Variants in USP48 observed in about 807,000 individuals in gnomAD.
The protein encoded by USP48 is ubiquitin specific peptidase 48, also known as ubiquitin carboxyl-terminal hydrolase 48.
Under a neutral mutation model 150.7 loss-of-function variants are expected in USP48, and 43 were observed. The ratio of observed to expected loss-of-function variants is 0.29; its 90% CI spans 0.22 to 0.37. The LOEUF is 0.37. Ranked by LOEUF, USP48 falls within the 10% of genes least tolerant of loss-of-function variation. The pLI, the probability that USP48 is intolerant of heterozygous loss-of-function variation, is 1.00. For synonymous variants in USP48, 396 were observed against 425.9 expected, an observed-to-expected ratio of 0.93 and a Z score of 0.86; for missense variants, 813 against 1,249.6, an observed-to-expected ratio of 0.65 and a Z score of 5.27.
At chr1:21,781,413 T>C (rs920569075) in intron 1 of USP48, among the ~76,000 whole-genome samples, 2 of 152,020 alleles carry the variant, frequency 1.3e-5, no homozygotes, top group Non-Finnish European at 2.9e-5. Flanking sequence ...CACTCTAGCC[T>C]GGGCAATAAG....
intron 8 of USP48, among the ~76,000 whole-genome samples, chr1:21,742,094 C>T (rs1288774360): frequency 6.6e-6 from 1 of 152,000 alleles, no homozygotes; most frequent in African/African-American, 2.4e-5. Context: ...TTAGCTGGCC[C>T]AGGCTACCCT....
chr1:21,678,374 CGTGTT>C lies in USP48; in HGVS notation c.*1038_*1042del, dbSNP rs891974750. 28 of 151,024 alleles carry C rather than the reference CGTGTT, an allele frequency of 1.9e-4. No homozygotes were observed. The highest frequency in any genetic ancestry group is 6.6e-4 in the African/African-American group (27 of 41,074). The allele number at this position is 151,024 out of a possible 1,614,324, so 9.4% of individuals were successfully genotyped here. ...ATTCTTAAGAATATTGCTTCGGTTA[CGTGTT>C]GCTAAGAATGATAATCCTGAGTTGG... is the stretch of plus-strand genomic sequence containing the variant. On this transcript the variant is annotated 3_prime_UTR_variant, in exon 27 of 27. Coordinates refer to ENST00000308271, the MANE Select transcript of USP48 (RefSeq NM_032236.8).
intron 22 of USP48, 83 bp downstream of exon 22, chr1:21,701,415 C>G: frequency 1.8e-6 from 2 of 1,095,402 alleles, no homozygotes; most frequent in Non-Finnish European, 2.8e-6. Context: ...ATACAGGGTA[C>G]AGAGACATGG....
chr1:21,699,681 T>C (rs1295442856), intron 22 of USP48, among the ~76,000 whole-genome samples: 6 of 149,922 alleles, frequency 4.0e-5, no homozygotes, highest in Non-Finnish European at 8.9e-5. Flanking sequence ...GCCCGGCTAA[T>C]TTTTTTTGTA....
intron 23 of USP48, among the ~76,000 whole-genome samples, chr1:21,692,031 A>G (rs2097603103): frequency 6.6e-6 from 1 of 152,204 alleles, no homozygotes; most frequent in Non-Finnish European, 1.5e-5. Context: ...ACAGGGCCCA[A>G]GAGCTTGACA....
chr1:21,756,463 A>G, intron 3 of USP48, 83 bp downstream of exon 3: 1 of 1,435,970 alleles, frequency 7.0e-7, no homozygotes, highest in Non-Finnish European at 9.3e-7. Flanking sequence ...CTTGGGAAAC[A>G]GAGGAAGACT....
chr1:21,697,310 T>A (rs1248634153), intron 22 of USP48, among the ~76,000 whole-genome samples: 1 of 150,984 alleles, frequency 6.6e-6, no homozygotes, highest in East Asian at 1.9e-4. Flanking sequence ...CACATGTGAG[T>A]TAAAAAGAAA....
At chr1:21,679,646 C>A (rs1359603467) in intron 26 of USP48, among the ~76,000 whole-genome samples, 1 of 152,196 alleles carries the variant, frequency 6.6e-6, no homozygotes, top group African/African-American at 2.4e-5. Context: ...CCATGTGCTT[C>A]CTAAGTGTAT....
chr1:21,756,719 T>C lies in USP48; in HGVS notation c.256-17A>G. On this transcript the variant is annotated splice_polypyrimidine_tract_variant and intron_variant, in intron 2 of 26. Transcript: ENST00000308271. Reference sequence around the variant, plus strand: ...AAATGAGTTCTACAAAAATACAAAATTCATAATTATAAAACCCATTTTCCT... The same window carrying C: ...AAATGAGTTCTACAAAAATACAAAACTCATAATTATAAAACCCATTTTCCT... 1.2e-6 allele frequency: 2 copies of C among 1,611,600 alleles called. No homozygotes were observed. Among genetic ancestry groups the C allele is most frequent in the South Asian group, 1.1e-5 (1 of 90,500 alleles).
intron 8 of USP48, among the ~76,000 whole-genome samples, chr1:21,739,545 A>G (rs1295596892): frequency 4.8e-5 from 6 of 125,556 alleles, no homozygotes; most frequent in Non-Finnish European, 8.7e-5. Context: ...AAAAAAAAAA[A>G]GACAAATAAT....
intron 11 of USP48, chr1:21,724,381 T>C (rs908624148): frequency 8.7e-6 from 5 of 577,598 alleles, no homozygotes; most frequent in African/African-American, 7.5e-5. Context: ...ACATAGAGTC[T>C]TGCCGAATAG....
At chr1:21,781,186 A>C (rs554930672) in intron 1 of USP48, among the ~76,000 whole-genome samples, 118 of 148,316 alleles carry the variant, frequency 8.0e-4, no homozygotes, top group African/African-American at 2.7e-3. Context: ...TGGGAGGCCA[A>C]GGCGGTCAAA....
rs1241322845 is a variant in USP48 at position 21,729,716 on chromosome 1, C to T, written c.1288G>A (p.Val430Ile). 1.2e-6 allele frequency: 2 copies of T among 1,613,702 alleles called. No homozygotes were observed. Among genetic ancestry groups the T allele is most frequent in the Non-Finnish European group, 1.7e-6 (2 of 1,179,760 alleles). ...AAAACTGCTTTACCTGGAACTTGAACAGTAGTGTTGGGCTTTTCTTGAGTT... is the reference window on the plus strand; with the variant it reads ...AAAACTGCTTTACCTGGAACTTGAATAGTAGTGTTGGGCTTTTCTTGAGTT... ...LQTQEKPNTTVQVPAFLQELV... is the reference protein window; with the variant it reads ...LQTQEKPNTTIQVPAFLQELV... The change falls in exon 10 of 27, where the codon GTT becomes ATT. Residue 430 changes from valine (V) to isoleucine (I), a missense_variant. Coordinates refer to ENST00000308271, the MANE Select transcript of USP48 (RefSeq NM_032236.8).
intron 15 of USP48, among the ~76,000 whole-genome samples, chr1:21,712,369 A>G (rs1049688687): frequency 3.3e-5 from 5 of 152,152 alleles, no homozygotes; most frequent in African/African-American, 9.7e-5. Context: ...AAAAAAAACC[A>G]AAACAAAATA....
chr1:21,708,819 A>G (rs1352091579), intron 15 of USP48, among the ~76,000 whole-genome samples: 4 of 135,840 alleles, frequency 2.9e-5, no homozygotes, highest in African/African-American at 8.1e-5. Context: ...CGGGAGGCAG[A>G]GGTTGCAGTG....
chr1:21,683,883 T>C (rs997822899), intron 25 of USP48, among the ~76,000 whole-genome samples: 9 of 152,184 alleles, frequency 5.9e-5, no homozygotes, highest in Admixed American at 5.2e-4. Context: ...AAATACAGTA[T>C]TGTCTTTCTG....
At chr1:21,686,302 G>GT (rs1409995157) in intron 25 of USP48, 2 of 152,188 alleles carry the variant, frequency 1.3e-5, no homozygotes, top group Non-Finnish European at 2.9e-5. Context: ...TCGCCATTAG[G>GT]TATGATGTCA....
chr1:21,744,804 G>GAAAAAAAAAAA (rs2097790606), intron 8 of USP48, among the ~76,000 whole-genome samples: 2 of 74,776 alleles, frequency 2.7e-5, no homozygotes, highest in African/African-American at 8.2e-5. Flanking sequence ...AAAAAAAAAT[G>GAAAAAAAAAAA]CTAAGCTTTT....
intron 20 of USP48, among the ~76,000 whole-genome samples, chr1:21,704,011 G>C (rs1201043502): frequency 6.6e-6 from 1 of 152,200 alleles, no homozygotes; most frequent in Non-Finnish European, 1.5e-5. Flanking sequence ...GTATGAGCTA[G>C]TGTGCTGGCC....
Sources: allele counts gnomAD v4.1 joint callset (sites outside exome capture counted in the v4.1 genomes callset), GRCh38; gene constraint gnomAD v4.1.1; transcripts MANE v1.5; gene names NCBI Gene and HGNC (gene_info 2026-07-23, HGNC 2026-07-21).